The following CDC42BPA variants were observed in gnomAD, a reference collection of about 807,000 sequenced individuals.
CDC42BPA encodes CDC42 binding protein kinase alpha.
Under a neutral mutation model 223.5 loss-of-function variants are expected in CDC42BPA, and 80 were observed. That is an observed-to-expected ratio of 0.36 (90% CI 0.30 to 0.43). The LOEUF (loss-of-function observed/expected upper bound fraction) is 0.43, where lower values mean the gene tolerates loss of function less well. CDC42BPA is among the 20% of genes least tolerant of loss of function. The pLI, the probability that CDC42BPA is intolerant of heterozygous loss-of-function variation, is 1.00. For missense variants in CDC42BPA, 1,743 were observed against 2,099.9 expected, an observed-to-expected ratio of 0.83 and a Z score of 3.32; for synonymous variants, 694 against 718.6, an observed-to-expected ratio of 0.97 and a Z score of 0.55.
chr1:227,316,970 A>C, intron 1 of CDC42BPA, 35 bp downstream of exon 1: 1 of 1,502,808 alleles, frequency 6.7e-7, no homozygotes, highest in Non-Finnish European at 9.3e-7. Context: ...TGACCAGCTA[A>C]AGATTAACAG....
chr1:227,170,602 T>C (rs1392042037), intron 5 of CDC42BPA, among the ~76,000 whole-genome samples: 1 of 152,190 alleles, frequency 6.6e-6, no homozygotes, highest in East Asian at 1.9e-4. Context: ...ACTGCCAGGT[T>C]CCTTCAAAGT....
chr1:227,047,700 C>A (rs1672726328), intron 23 of CDC42BPA, among the ~76,000 whole-genome samples: 1 of 152,104 alleles, frequency 6.6e-6, no homozygotes, highest in Non-Finnish European at 1.5e-5. Context: ...AGTGCTACTT[C>A]TTATTATAAC....
At chr1:227,145,045 G>A (rs538935741) in intron 8 of CDC42BPA, among the ~76,000 whole-genome samples, 1 of 152,228 alleles carries the variant, frequency 6.6e-6, no homozygotes, top group East Asian at 1.9e-4. Flanking sequence ...TTAAACTAAA[G>A]TTCAGCAGTT....
At chr1:227,209,372 G>A (rs929160410) in intron 3 of CDC42BPA, among the ~76,000 whole-genome samples, 4 of 142,094 alleles carry the variant, frequency 2.8e-5, no homozygotes, top group African/African-American at 1.1e-4. Context: ...TAATTGCCCT[G>A]GCCAGAACTT....
chr1:227,101,176 G>C lies in CDC42BPA; in HGVS notation c.2065C>G (p.Leu689Val), dbSNP rs1482866643. 1 of 1,597,134 alleles carries C rather than the reference G, an allele frequency of 6.3e-7. No individual in the cohort carries two copies. Among genetic ancestry groups the C allele is most frequent in the Non-Finnish European group, 8.6e-7 (1 of 1,165,640 alleles). Residue 689 changes from leucine to valine, a missense_variant, in exon 15 of 37, where the codon CTA becomes GTA. This residue lies in a region of CDC42BPA where 464 missense variants were observed against 488.0 expected (regional missense o/e 0.95). Coordinates refer to ENST00000366766, the MANE Select transcript of CDC42BPA (RefSeq NM_001394014.1). Reference protein sequence around the residue: ...SIEHQQEITKLKTDLEKKSIF... With the variant: ...SIEHQQEITKVKTDLEKKSIF... ...CTTTTCTTTTCCAAATCAGTCTTTAGTTTGGTTATCTCTTGCTGATGTTCT... is the reference window on the plus strand; with the variant it reads ...CTTTTCTTTTCCAAATCAGTCTTTACTTTGGTTATCTCTTGCTGATGTTCT...
intron 22 of CDC42BPA, among the ~76,000 whole-genome samples, chr1:227,050,411 G>C (rs1452716341): frequency 6.6e-6 from 1 of 152,160 alleles, no homozygotes; most frequent in Non-Finnish European, 1.5e-5. Context: ...GCAAGATCCA[G>C]TTAAACTTGA....
intron 35 of CDC42BPA, chr1:227,004,214 T>C (rs1663535053): frequency 6.6e-6 from 1 of 152,220 alleles, no homozygotes; most frequent in South Asian, 2.1e-4. Context: ...TACTTTTCCA[T>C]GACTAATTCA....
intron 10 of CDC42BPA, among the ~76,000 whole-genome samples, chr1:227,134,505 CCTAA>C (rs35508702): frequency 0.14 from 21,262 of 152,130 alleles, 1,841 homozygotes; most frequent in South Asian, 0.33. Context: ...CCTCTACCTT[CCTAA>C]CTCTCAGTGG....
chr1:227,102,946 G>A (rs1351760398), intron 14 of CDC42BPA, among the ~76,000 whole-genome samples: 4 of 151,648 alleles, frequency 2.6e-5, no homozygotes, highest in Non-Finnish European at 4.4e-5. Context: ...ACTACTCTAA[G>A]TCCCACAATA....
At chr1:227,282,188 CAAAA>C (rs10715170) in intron 1 of CDC42BPA, among the ~76,000 whole-genome samples, 6 of 105,690 alleles carry the variant, frequency 5.7e-5, no homozygotes, top group Non-Finnish European at 9.6e-5. Context: ...AACTCCGTCT[CAAAA>C]AAAAAAAAAA....
At chr1:227,241,766 T>C (rs1680061640) in intron 2 of CDC42BPA, among the ~76,000 whole-genome samples, 1 of 152,138 alleles carries the variant, frequency 6.6e-6, no homozygotes. Flanking sequence ...CTCAAGGAAC[T>C]GTATATATAC....
At chr1:227,030,375 A>C in intron 29 of CDC42BPA, 33 bp downstream of exon 29, 2 of 1,381,310 alleles carry the variant, frequency 1.4e-6, no homozygotes, top group Non-Finnish European at 2.0e-6. Flanking sequence ...ACACGATTTA[A>C]AATTACTCCA....
chr1:227,225,056 C>G (rs1572475474), intron 2 of CDC42BPA, among the ~76,000 whole-genome samples: 1 of 152,152 alleles, frequency 6.6e-6, no homozygotes, highest in East Asian at 1.9e-4. Flanking sequence ...TATCAAATAT[C>G]CACATAATGG....
intron 1 of CDC42BPA, among the ~76,000 whole-genome samples, chr1:227,282,188 CA>C (rs10715170): frequency 0.52 from 54,568 of 105,570 alleles, 11,151 homozygotes; most frequent in Middle Eastern, 0.62. Flanking sequence ...AACTCCGTCT[CA>C]AAAAAAAAAA....
chr1:227,075,643 T>C (rs955597521), intron 17 of CDC42BPA, among the ~76,000 whole-genome samples: 4 of 152,226 alleles, frequency 2.6e-5, no homozygotes, highest in African/African-American at 9.6e-5. Context: ...TAAAATTCTT[T>C]GACTACAAGT....
chr1:227,312,000 A>G (rs1693624246), intron 1 of CDC42BPA, among the ~76,000 whole-genome samples: 1 of 152,234 alleles, frequency 6.6e-6, no homozygotes, highest in Non-Finnish European at 1.5e-5. Flanking sequence ...TCAACATAGC[A>G]TAGCTGCACC....
chr1:227,289,859 C>T (rs1006065051), intron 1 of CDC42BPA, among the ~76,000 whole-genome samples: 6 of 135,380 alleles, frequency 4.4e-5, no homozygotes, highest in Non-Finnish European at 9.1e-5. Context: ...CCAGACCAGC[C>T]TGGGCAACAT....
chr1:227,316,931 C>T, intron 1 of CDC42BPA, 74 bp downstream of exon 1: 2 of 1,096,082 alleles, frequency 1.8e-6, no homozygotes, highest in Non-Finnish European at 2.7e-6. Context: ...AGAGTTTACT[C>T]ATAACTCTCT....
intron 1 of CDC42BPA, among the ~76,000 whole-genome samples, chr1:227,305,166 T>A (rs78594228): frequency 0.094 from 14,236 of 152,218 alleles, 841 homozygotes; most frequent in Middle Eastern, 0.17. Flanking sequence ...GTAGGCTACT[T>A]ACTCTCAAAT....
Sources: allele counts gnomAD v4.1 joint callset (sites outside exome capture counted in the v4.1 genomes callset), GRCh38; gene constraint gnomAD v4.1.1; regional missense constraint gnomAD v4.1.1; transcripts MANE v1.5; gene names NCBI Gene and HGNC (gene_info 2026-07-23, HGNC 2026-07-21).